The following VPS13C variants were observed in gnomAD, a reference collection of about 807,000 sequenced individuals.
VPS13C encodes vacuolar protein sorting 13 homolog C.
VPS13C carries 358 observed loss-of-function variants against 456.8 expected under a neutral mutation model. The ratio of observed to expected loss-of-function variants is 0.78; its 90% CI spans 0.72 to 0.86. VPS13C has a LOEUF of 0.86. Among genes scored for constraint, VPS13C ranks in the 40% least tolerant of loss-of-function variants. The pLI is 0.00. For synonymous variants in VPS13C, 1,578 were observed against 1,486.7 expected (o/e 1.06, Z -1.41); for missense variants, 4,818 against 4,385.4 (o/e 1.10, Z -2.79).
chr15:61,938,573 T>A (rs1312070319), intron 47 of VPS13C, among the ~76,000 whole-genome samples: 2 of 152,202 alleles, frequency 1.3e-5, no homozygotes, highest in African/African-American at 4.8e-5. Context: ...CCTGAGTTAA[T>A]AAGGATGCTT....
chr15:62,033,401 A>C lies in VPS13C; in HGVS notation c.385+40T>G, dbSNP rs778980332. The C allele has an allele frequency of 7.5e-6, 10 of 1,327,074 alleles. No homozygotes were observed. In the African/African-American group the frequency reaches 1.5e-4, roughly 20 times the overall value. 82.2% of individuals were successfully genotyped at this position (1,327,074 alleles called of 1,614,324 possible). Reference sequence around the variant, plus strand: ...TTAAAGGATATTAATTATATCTAAAATATAGGTATGTCTAAGTTTATCTCA... The same window carrying C: ...TTAAAGGATATTAATTATATCTAAACTATAGGTATGTCTAAGTTTATCTCA... On this transcript the variant is annotated intron_variant, in intron 5 of 84. Coordinates refer to ENST00000644861, the MANE Select transcript of VPS13C (RefSeq NM_020821.3).
intron 65 of VPS13C, among the ~76,000 whole-genome samples, chr15:61,908,396 A>T (rs12907534): frequency 0.065 from 9,828 of 151,652 alleles, 349 homozygotes; most frequent in Non-Finnish European, 0.081. Context: ...ATAAAATTAT[A>T]CGATACTTTA....
In VPS13C at chr15:62,056,920, T is replaced by A. The variant is rs2048821795; in HGVS notation, c.100+3355A>T. 2.6e-5 allele frequency among the ~76,000 whole-genome samples: 4 copies of A among 152,288 alleles called. 2 individuals are homozygous for A. The South Asian group carries it at 8.3e-4, about 32-fold the overall frequency. On this transcript the variant is annotated intron_variant, in intron 1 of 84. Coordinates refer to ENST00000644861, the MANE Select transcript of VPS13C (RefSeq NM_020821.3). ...CACGTGACCCACGTGACCTTACCTA[T>A]CATTGGAGATGACCCACACTCTTTA... is the stretch of plus-strand genomic sequence containing the variant.
At chr15:61,979,194 C>T (rs1273689824) in intron 22 of VPS13C, among the ~76,000 whole-genome samples, 1 of 152,140 alleles carries the variant, frequency 6.6e-6, no homozygotes. Flanking sequence ...GCCTTTTCCC[C>T]CTTCCTGGTG....
intron 51 of VPS13C, 75 bp from the exon 52 acceptor site, chr15:61,927,395 T>C (rs1022483590): frequency 2.6e-6 from 3 of 1,163,928 alleles, no homozygotes; most frequent in Non-Finnish European, 2.5e-6. Flanking sequence ...ATCTACAAGT[T>C]GTTAAGTTGT....
At position 61,936,683 on chromosome 15, in the gene VPS13C, G is replaced by A. The variant is rs2044237180; in HGVS notation, c.5669C>T (p.Ser1890Phe). ...AGACTGTGTAGGGCTTGGTTGTGAG[G>A]AAGCTTCTCCAAGATTTTCTAGCAA... ...KILLENLGEA[S>F]SQPSPTQSVQ... The change falls in exon 48 of 85, where the codon TCC becomes TTC. Residue 1890 changes from serine to phenylalanine, a missense_variant. By Grantham distance (155) the Ser-to-Phe change is radical. Coordinates refer to ENST00000644861, the MANE Select transcript of VPS13C (RefSeq NM_020821.3). The A allele has an allele frequency of 6.2e-7, 1 of 1,612,532 alleles. No individual in the cohort carries two copies. Among genetic ancestry groups the A allele is most frequent in the Non-Finnish European group, 8.5e-7 (1 of 1,179,380 alleles).
intron 28 of VPS13C, among the ~76,000 whole-genome samples, chr15:61,967,858 C>G (rs2045428379): frequency 6.6e-6 from 1 of 151,906 alleles, no homozygotes; most frequent in African/African-American, 2.4e-5. Context: ...ACAGGTACTA[C>G]CAGATGTCCT....
In VPS13C at chr15:61,854,340, G is replaced by C; in HGVS notation, c.*117C>G. ...AGAAAACCCAATACTAGCTATTCCA[G>C]AAAACTAAAACTAAAGGATTGCTTG... On this transcript the variant is annotated 3_prime_UTR_variant, in exon 85 of 85. Transcript: ENST00000644861. 9.9e-7 allele frequency: 1 copy of C among 1,005,424 alleles called. No homozygotes were observed. The highest frequency in any genetic ancestry group is 2.4e-5 in the East Asian group (1 of 41,750). 62.3% of individuals were successfully genotyped at this position (1,005,424 alleles called of 1,614,324 possible).
intron 47 of VPS13C, 44 bp from the exon 48 acceptor site, chr15:61,936,794 AT>A (rs765202507): frequency 3.9e-6 from 6 of 1,537,320 alleles, no homozygotes; most frequent in South Asian, 3.8e-5. Context: ...AATAAAAAAA[AT>A]GTAGACTATC....
chr15:62,042,497 T>C (rs1219816490), intron 2 of VPS13C, among the ~76,000 whole-genome samples: 3 of 151,984 alleles, frequency 2.0e-5, no homozygotes, highest in Non-Finnish European at 4.4e-5. Context: ...GCTATTATAA[T>C]AGCTTTAGTT....
At chr15:61,992,126 C>G (rs1229885873) in intron 16 of VPS13C, among the ~76,000 whole-genome samples, 1 of 152,120 alleles carries the variant, frequency 6.6e-6, no homozygotes. Context: ...GCCACCAGAA[C>G]TGCATGTTTA....
chr15:61,862,886 A>C (rs1894302071), intron 82 of VPS13C, among the ~76,000 whole-genome samples: 1 of 152,162 alleles, frequency 6.6e-6, no homozygotes, highest in South Asian at 2.1e-4. Context: ...GAAAATTATT[A>C]ATATATAATT....
At chr15:61,859,460 T>C (rs1894105487) in intron 82 of VPS13C, among the ~76,000 whole-genome samples, 1 of 152,302 alleles carries the variant, frequency 6.6e-6, no homozygotes, top group South Asian at 2.1e-4. Context: ...TATGAGCTGC[T>C]ACCTATGACT....
intron 63 of VPS13C, among the ~76,000 whole-genome samples, chr15:61,911,421 C>T (rs2043298011): frequency 6.6e-6 from 1 of 152,112 alleles, no homozygotes; most frequent in South Asian, 2.1e-4. Context: ...AAGAAATTTC[C>T]AGCTCACCTA....
chr15:61,911,955 G>A lies in VPS13C; in HGVS notation c.8600C>T (p.Thr2867Ile), dbSNP rs375561424. 1.6e-5 allele frequency: 26 copies of A among 1,611,378 alleles called. No individual in the cohort carries two copies. Among genetic ancestry groups the A allele is most frequent in the Non-Finnish European group, 2.2e-5 (26 of 1,178,724 alleles). ...MSSFNLSRIV[T>I]LTPFCTIANK... ...TGCAATGGTACAAAAGGGAGTCAGG[G>A]TAACTATTCGTGAAAGGTTGAAACT... The change falls in exon 63 of 85, where the codon ACC (threonine) becomes ATC (isoleucine). Residue 2867 changes from threonine to isoleucine, a missense_variant. Thr to Ile is a moderately conservative substitution (Grantham distance 89). Coordinates refer to ENST00000644861, the MANE Select transcript of VPS13C (RefSeq NM_020821.3).
At chr15:61,932,868 C>T (rs2044107670) in intron 49 of VPS13C, among the ~76,000 whole-genome samples, 1 of 152,168 alleles carries the variant, frequency 6.6e-6, no homozygotes, top group African/African-American at 2.4e-5. Flanking sequence ...GATATGGTTT[C>T]CTGATGTAGA....
intron 16 of VPS13C, among the ~76,000 whole-genome samples, chr15:61,993,705 G>A (rs1056016307): frequency 1.1e-4 from 16 of 152,046 alleles, no homozygotes; most frequent in African/African-American, 3.9e-4. Flanking sequence ...TGAAGAAAAT[G>A]AAGTAACAAA....
At chr15:62,010,637 G>T in intron 12 of VPS13C, 38 bp from the exon 13 acceptor site, 3 of 1,537,342 alleles carry the variant, frequency 2.0e-6, no homozygotes, top group Non-Finnish European at 2.6e-6. Context: ...ATGTTCATAT[G>T]CTTTTACATA....
intron 1 of VPS13C, among the ~76,000 whole-genome samples, chr15:62,055,147 T>G (rs1388363106): frequency 6.6e-6 from 1 of 152,220 alleles, no homozygotes; most frequent in Non-Finnish European, 1.5e-5. Flanking sequence ...TAGGCTGTGT[T>G]TGCTTTGCTT....
Sources: gnomAD v4.1 joint callset for allele counts (sites outside exome capture counted in the v4.1 genomes callset) on GRCh38, gnomAD v4.1.1 for gene constraint, MANE v1.5 for transcripts, NCBI Gene and HGNC (gene_info 2026-07-23, HGNC 2026-07-21) for gene names.